CLEC3B: variants seen among roughly 807,000 people sequenced by gnomAD.
CLEC3B encodes tetranectin.
In CLEC3B, 13 loss-of-function variants were observed where a neutral mutation model predicts 15.4. That is an observed-to-expected ratio of 0.84 (90% CI 0.55 to 1.34). The LOEUF (loss-of-function observed/expected upper bound fraction) is 1.34. CLEC3B is among the 40% of genes most tolerant of loss of function. CLEC3B has a pLI of 0.00. For synonymous variants in CLEC3B, 112 were observed against 114.7 expected, an observed-to-expected ratio of 0.98 and a Z score of 0.15; for missense variants, 242 against 268.6, an observed-to-expected ratio of 0.90 and a Z score of 0.69.
chr3:45,027,783 A>G (rs1350284608), intron 1 of CLEC3B, among the ~76,000 whole-genome samples: 1 of 152,246 alleles, frequency 6.6e-6, no homozygotes, highest in Non-Finnish European at 1.5e-5. Flanking sequence ...TATGAGCATT[A>G]GCCAAAATCG....
At chr3:45,028,216 G>A (rs1234085304) in intron 1 of CLEC3B, among the ~76,000 whole-genome samples, 1 of 152,200 alleles carries the variant, frequency 6.6e-6, no homozygotes, top group African/African-American at 2.4e-5. Context: ...ATGAACCATG[G>A]TGGTTCTCAC....
intron 1 of CLEC3B, among the ~76,000 whole-genome samples, 173 bp from the exon 2 acceptor site, chr3:45,030,654 T>A (rs1697540509): frequency 6.6e-6 from 1 of 152,224 alleles, no homozygotes. Context: ...ATGGGCCCCC[T>A]GGCAGAAGTC....
intron 1 of CLEC3B, among the ~76,000 whole-genome samples, chr3:45,030,395 C>T (rs781259915): frequency 6.6e-6 from 1 of 152,204 alleles, no homozygotes; most frequent in African/African-American, 2.4e-5. Flanking sequence ...CCTGCATATG[C>T]GTGCCCCAGG....
intron 2 of CLEC3B, among the ~76,000 whole-genome samples, 166 bp from the exon 3 acceptor site, chr3:45,035,358 A>G (rs1450757153): frequency 6.6e-6 from 1 of 152,148 alleles, no homozygotes; most frequent in African/African-American, 2.4e-5. Context: ...CCAGGTCCTC[A>G]AAGTGCATGA....
chr3:45,030,374 C>A, intron 1 of CLEC3B: 1 of 262,168 alleles, frequency 3.8e-6, no homozygotes, highest in Non-Finnish European at 6.0e-6. Context: ...GTGTCTGTGG[C>A]ACCTCCAAGC....
chr3:45,026,846 A>T (rs377210884), intron 1 of CLEC3B, among the ~76,000 whole-genome samples: 1 of 152,224 alleles, frequency 6.6e-6, no homozygotes, highest in African/African-American at 2.4e-5. Context: ...TCTCAACTGT[A>T]AAATGGGGAC....
At chr3:45,034,117 C>T (rs1484763522) in intron 2 of CLEC3B, among the ~76,000 whole-genome samples, 1 of 152,122 alleles carries the variant, frequency 6.6e-6, no homozygotes, top group African/African-American at 2.4e-5. Context: ...TGAGGCAGTC[C>T]CTGCAGGAGG....
intron 2 of CLEC3B, among the ~76,000 whole-genome samples, chr3:45,031,811 AC>A (rs1697561095): frequency 1.5e-4 from 23 of 151,524 alleles, no homozygotes; most frequent in Admixed American, 1.4e-3. Flanking sequence ...ACACAGACTC[AC>A]AATACTGATG....
chr3:45,026,570 A>G (rs1697488134), intron 1 of CLEC3B, 99 bp downstream of exon 1: 6 of 1,128,532 alleles, frequency 5.3e-6, no homozygotes, highest in Non-Finnish European at 7.9e-6. Context: ...CCTCCTTTTG[A>G]GTCATCTAGG....
chr3:45,034,908 A>G (rs939048183), intron 2 of CLEC3B, among the ~76,000 whole-genome samples: 3 of 151,976 alleles, frequency 2.0e-5, no homozygotes, highest in African/African-American at 4.8e-5. Context: ...TTGGGTAGGG[A>G]TTTGGGGCCC....
chr3:45,034,376 G>C (rs1697606962), intron 2 of CLEC3B: 1 of 152,206 alleles, frequency 6.6e-6, no homozygotes, highest in East Asian at 1.9e-4. Context: ...ATGCCCATGG[G>C]GACACTGGGA....
chr3:45,026,499 A>G lies in CLEC3B; in HGVS notation c.109+28A>G, dbSNP rs766224879. The G allele has an allele frequency of 8.8e-6, 14 of 1,588,466 alleles. No individual in the cohort carries two copies. In the Admixed American group the frequency reaches 1.7e-4, roughly 19 times the overall value. On this transcript the variant is annotated intron_variant, in intron 1 of 2. Transcript: ENST00000296130. ...AAGGAGGGGGACAGAGCCCTGTGCCATCTTCCAGGGAGCAGGTCCCCCTCT... is the reference window on the plus strand; with the variant it reads ...AAGGAGGGGGACAGAGCCCTGTGCCGTCTTCCAGGGAGCAGGTCCCCCTCT...
At position 45,030,864 on chromosome 3, in the gene CLEC3B, C is replaced by G. The variant is rs752556358; in HGVS notation, c.147C>G (p.Ser49Arg). 6.3e-7 allele frequency: 1 copy of G among 1,596,500 alleles called. No individual in the cohort carries two copies. Among genetic ancestry groups the G allele is most frequent in the Non-Finnish European group, 8.5e-7 (1 of 1,171,452 alleles). The change falls in exon 2 of 3, where the codon AGC (serine) becomes AGG (arginine). Residue 49 changes from serine to arginine, a missense_variant. Coordinates refer to ENST00000296130, the MANE Select transcript of CLEC3B (RefSeq NM_003278.3). ...CAAAGATGTTTGAGGAGCTCAAGAG[C>G]CGTCTGGACACCCTGGCCCAGGAGG... is the stretch of plus-strand genomic sequence containing the variant. ...VNTKMFEELK[S>R]RLDTLAQEVA...
chr3:45,035,134 A>G (rs1011146206), intron 2 of CLEC3B, among the ~76,000 whole-genome samples: 1 of 152,172 alleles, frequency 6.6e-6, no homozygotes, highest in Admixed American at 6.5e-5. Context: ...GGGCAGAGGG[A>G]GAGCTGAGCT....
At chr3:45,030,558 A>G (rs970301049) in intron 1 of CLEC3B, among the ~76,000 whole-genome samples, 14 of 152,000 alleles carry the variant, frequency 9.2e-5, no homozygotes, top group Non-Finnish European at 1.3e-4. Flanking sequence ...CTGTGCCTAC[A>G]CCCTCACCCC....
rs770774345 is a variant in CLEC3B, at chr3:45,035,919, G to C, written c.604G>C (p.Val202Leu). Residue 202 changes from valine to leucine, a missense_variant, in exon 3 of 3, where the codon GTG (valine) becomes CTG (leucine). Val to Leu is a conservative substitution (Grantham distance 32). Coordinates refer to ENST00000296130, the MANE Select transcript of CLEC3B (RefSeq NM_003278.3). The part of the protein sequence containing the change: ...QLPYICQFGI[V>L] ...GCCCTACATCTGCCAGTTCGGGATC[G>C]TGTAGCCGGCGGGGCGGGGGCCGTG... 2.5e-5 allele frequency: 39 copies of C among 1,588,446 alleles called. No homozygotes were observed. The highest frequency in any genetic ancestry group is 3.3e-5 in the Non-Finnish European group (38 of 1,165,796).
chr3:45,030,690 A>C (rs1395001028), intron 1 of CLEC3B, 137 bp from the exon 2 acceptor site: 1 of 633,470 alleles, frequency 1.6e-6, no homozygotes, highest in East Asian at 2.8e-5. Flanking sequence ...GACTACCACC[A>C]GCAAGGATAG....
intron 2 of CLEC3B, among the ~76,000 whole-genome samples, chr3:45,031,175 T>G (rs925723447): frequency 5.9e-5 from 9 of 152,084 alleles, no homozygotes; most frequent in Non-Finnish European, 8.8e-5. Flanking sequence ...GGTGTGGAAG[T>G]GGGGATGTCC....
At chr3:45,031,100 C>G (rs750032758) in intron 2 of CLEC3B, among the ~76,000 whole-genome samples, 175 bp downstream of exon 2, 1 of 152,256 alleles carries the variant, frequency 6.6e-6, no homozygotes, top group South Asian at 2.1e-4. Context: ...TTGGGGAGAT[C>G]CCCTGACACG....
Sources: gnomAD v4.1 joint callset for allele counts (sites outside exome capture counted in the v4.1 genomes callset) on GRCh38, gnomAD v4.1.1 for gene constraint, MANE v1.5 for transcripts, NCBI Gene and HGNC (gene_info 2026-07-23, HGNC 2026-07-21) for gene names.